LUZP2: variants seen among roughly 807,000 people sequenced by gnomAD.
LUZP2 encodes the protein leucine zipper protein 2.
A neutral mutation model predicts 51.6 loss-of-function variants in LUZP2; 52 were observed. That is an observed-to-expected ratio of 1.01 (90% confidence interval 0.81 to 1.27). LUZP2 has a LOEUF of 1.27. Among genes scored for constraint, LUZP2 ranks in the 50% most tolerant of loss-of-function variants. LUZP2 has a pLI of 0.00. For missense variants in LUZP2, 436 were observed against 395.4 expected (o/e 1.10, Z -0.87); for synonymous variants, 154 against 137.3 (o/e 1.12, Z -0.85).
At chr11:25,031,031 G>A (rs1477578110) in intron 9 of LUZP2, among the ~76,000 whole-genome samples, 1 of 33,346 alleles carries the variant, frequency 3.0e-5, no homozygotes, top group Admixed American at 3.3e-4. Context: ...TTTTTTTTTT[G>A]AGACAGAGTC....
At chr11:24,586,155 CT>C (rs745554643) in intron 1 of LUZP2, among the ~76,000 whole-genome samples, 43 of 152,062 alleles carry the variant, frequency 2.8e-4, no homozygotes, top group Non-Finnish European at 4.7e-4. Flanking sequence ...AAGCAGTTCT[CT>C]GTACTTTAAA....
intron 1 of LUZP2, among the ~76,000 whole-genome samples, chr11:24,663,445 C>T (rs1484157512): frequency 6.6e-6 from 1 of 152,062 alleles, no homozygotes; most frequent in Non-Finnish European, 1.5e-5. Flanking sequence ...TCAATTAAAC[C>T]TTTTTTCTTC....
At chr11:24,984,845 T>C (rs1315806693) in intron 9 of LUZP2, among the ~76,000 whole-genome samples, 2 of 151,430 alleles carry the variant, frequency 1.3e-5, no homozygotes, top group African/African-American at 4.8e-5. Context: ...TTATTTTTTC[T>C]TTCCTCAGTG....
chr11:25,046,226 C>CAAAAAAA lies in LUZP2; in HGVS notation c.766-3807_766-3801dup, dbSNP rs67542459. Reference sequence around the variant, plus strand: ...ATACCATGAGAGAAAAGTAATCCTCCAAAAAAAAAAATGAGTCAATGATTA... The same window carrying CAAAAAAA: ...ATACCATGAGAGAAAAGTAATCCTCCAAAAAAAAAAAAAAAAAATGAGTCAATGATTA... On this transcript the variant is annotated intron_variant, in intron 9 of 11. Transcript: ENST00000336930. 7.6e-5 allele frequency among the ~76,000 whole-genome samples: 11 copies of CAAAAAAA among 144,628 alleles called. 1 individual carries two copies. The highest frequency in any genetic ancestry group is 1.4e-4 in the Non-Finnish European group (9 of 66,390). 94.9% of individuals were successfully genotyped at this position (144,628 alleles called of 152,430 possible).
Position 24,497,283 on chromosome 11 carries a change from C to T in LUZP2, c.40C>T (p.Pro14Ser). Residue 14 changes from proline (P) to serine (S), a missense_variant, in exon 1 of 12, where the codon CCT becomes TCT. Physicochemically the swap from Pro to Ser is moderately conservative, Grantham distance 74. Coordinates refer to ENST00000336930, the MANE Select transcript of LUZP2 (RefSeq NM_001009909.4). ...AGCGCACTACCTGCTGCCTCTCCTG[C>T]CTGCGCTGGTCCTCAGCACCAGGTG... is the stretch of plus-strand genomic sequence containing the variant. ...SPAHYLLPLL[P>S]ALVLSTRQDY... The T allele has an allele frequency of 6.4e-7, 1 of 1,566,942 alleles. No homozygotes were observed.
chr11:24,752,247 G>T (rs12270592), intron 4 of LUZP2, among the ~76,000 whole-genome samples: 3 of 152,084 alleles, frequency 2.0e-5, no homozygotes, highest in African/African-American at 7.2e-5. Context: ...GAAAGAACAG[G>T]TCACCCACAA....
At chr11:24,726,523 A>G (rs1858482752) in intron 1 of LUZP2, among the ~76,000 whole-genome samples, 1 of 151,620 alleles carries the variant, frequency 6.6e-6, no homozygotes, top group South Asian at 2.1e-4. Context: ...CTCCCACCCT[A>G]CTCCCCCCAC....
At chr11:24,827,717 A>G (rs1850584397) in intron 5 of LUZP2, among the ~76,000 whole-genome samples, 1 of 152,184 alleles carries the variant, frequency 6.6e-6, no homozygotes, top group Non-Finnish European at 1.5e-5. Flanking sequence ...TCTTCGAATC[A>G]GTAATCTCTG....
At chr11:24,590,776 G>A (rs1364193814) in intron 1 of LUZP2, among the ~76,000 whole-genome samples, 2 of 151,926 alleles carry the variant, frequency 1.3e-5, no homozygotes, top group East Asian at 3.9e-4. Flanking sequence ...GGATATATGT[G>A]TTTTTTTTCC....
intron 1 of LUZP2, among the ~76,000 whole-genome samples, chr11:24,645,431 G>A (rs1167547302): frequency 9.9e-5 from 15 of 152,106 alleles, no homozygotes; most frequent in Non-Finnish European, 5.9e-5. Context: ...AGTCACTCAT[G>A]TTCCTTTAAA....
At chr11:24,738,112 T>C in intron 3 of LUZP2, 109 bp from the exon 4 acceptor site, 1 of 653,102 alleles carries the variant, frequency 1.5e-6, no homozygotes, top group Non-Finnish European at 2.5e-6. Flanking sequence ...CACTTCTAGT[T>C]GTCTATGTCC....
rs147358366 is a variant in LUZP2 at position 24,897,703 on chromosome 11, T to A, written c.397-8288T>A. Among the ~76,000 whole-genome samples, 511 of 152,238 alleles carry A rather than the reference T, an allele frequency of 3.4e-3. 4 individuals are homozygous for A. The highest frequency in any genetic ancestry group is 0.012 in the African/African-American group (479 of 41,476). On this transcript the variant is annotated intron_variant, in intron 5 of 11. Transcript: ENST00000336930. The stretch of plus-strand genomic sequence containing the variant: ...AGCGACTGTGGCTTCCTTCTTGAAG[T>A]CAGTGAGACCAAGAACCCACCAATT...
chr11:24,741,382 A>G (rs1341122401), intron 4 of LUZP2, among the ~76,000 whole-genome samples: 1 of 152,152 alleles, frequency 6.6e-6, no homozygotes, highest in East Asian at 1.9e-4. Context: ...TCTTAAATGC[A>G]GACTATTTCT....
At chr11:24,966,647 G>T (rs1181538072) in intron 7 of LUZP2, among the ~76,000 whole-genome samples, 1 of 147,678 alleles carries the variant, frequency 6.8e-6, no homozygotes, top group African/African-American at 2.5e-5. Flanking sequence ...TTATATATAA[G>T]ATATATAACA....
At chr11:24,649,235 A>T (rs997985111) in intron 1 of LUZP2, among the ~76,000 whole-genome samples, 1 of 152,010 alleles carries the variant, frequency 6.6e-6, no homozygotes, top group East Asian at 1.9e-4. Context: ...AATTTGTCCC[A>T]TAAATGTTGA....
chr11:24,704,827 C>T lies in LUZP2; in HGVS notation c.63-24342C>T, dbSNP rs959519156. ...AGTTAAAGCTGACTCTAAAGTAGCA[C>T]TCATAGTACAGATATGACTTATCTA... is the stretch of plus-strand genomic sequence containing the variant. On this transcript the variant is annotated intron_variant, in intron 1 of 11. Transcript: ENST00000336930. Among the ~76,000 whole-genome samples, 8 of 152,240 alleles carry T rather than the reference C, an allele frequency of 5.3e-5. 1 individual carries two copies. The highest frequency in any genetic ancestry group is 2.0e-4 in the Admixed American group (3 of 15,290).
chr11:25,015,931 T>A (rs1401486563), intron 9 of LUZP2, among the ~76,000 whole-genome samples: 2 of 151,240 alleles, frequency 1.3e-5, no homozygotes, highest in East Asian at 1.9e-4. Flanking sequence ...CTTATTTATT[T>A]TTTTTTTGAG....
chr11:24,802,723 T>C (rs1184475023), intron 5 of LUZP2, among the ~76,000 whole-genome samples: 1 of 152,010 alleles, frequency 6.6e-6, no homozygotes, highest in Non-Finnish European at 1.5e-5. Flanking sequence ...GACTGTTTTA[T>C]GTACCTTGCT....
intron 1 of LUZP2, among the ~76,000 whole-genome samples, chr11:24,497,726 C>T (rs1849871033): frequency 6.6e-6 from 1 of 152,152 alleles, no homozygotes; most frequent in South Asian, 2.1e-4. Context: ...CCAAGTGTGC[C>T]TGATTTAAGG....
Sources: allele counts gnomAD v4.1 joint callset (sites outside exome capture counted in the v4.1 genomes callset), GRCh38; gene constraint gnomAD v4.1.1; transcripts MANE v1.5; gene names NCBI Gene and HGNC (gene_info 2026-07-23, HGNC 2026-07-21).